The following CENPP variants were observed in gnomAD, a reference collection of about 807,000 sequenced individuals.
The protein encoded by CENPP is centromere protein P.
CENPP carries 24 observed loss-of-function variants against 35.6 expected under a neutral mutation model. The observed-to-expected ratio is 0.67, with a 90% CI of 0.49 to 0.95. The LOEUF (loss-of-function observed/expected upper bound fraction) is 0.95, where lower values mean the gene tolerates loss of function less well. CENPP is among the 40% of genes least tolerant of loss of function. The probability of loss-of-function intolerance (pLI) is 0.00; values close to 1 mark genes in which losing one functional copy is unlikely to be tolerated. For missense variants in CENPP, 332 were observed against 345.3 expected (o/e 0.96, Z 0.31); for synonymous variants, 120 against 125.5 (o/e 0.96, Z 0.29).
intron 5 of CENPP, chr9:92,414,578 T>C (rs1457095405): frequency 4.8e-6 from 1 of 209,498 alleles, no homozygotes; most frequent in Non-Finnish European, 9.7e-6. Flanking sequence ...GGATGGCCTC[T>C]TACAAATCAA....
intron 1 of CENPP, among the ~76,000 whole-genome samples, chr9:92,329,367 C>T (rs2130772260): frequency 6.6e-6 from 1 of 151,768 alleles, no homozygotes; most frequent in South Asian, 2.1e-4. Context: ...TGTATTTTTA[C>T]TAGAGATGGG....
chr9:92,590,462 T>G (rs1205756585), intron 5 of CENPP, among the ~76,000 whole-genome samples: 1 of 152,226 alleles, frequency 6.6e-6, no homozygotes, highest in East Asian at 1.9e-4. Flanking sequence ...TTTAGGAAAT[T>G]GGAATCTGTC....
chr9:92,512,254 G>A, intron 5 of CENPP: 1 of 525,734 alleles, frequency 1.9e-6, no homozygotes, highest in Non-Finnish European at 3.4e-6. Flanking sequence ...CTCAGAACAA[G>A]GACAGAATAT....
intron 5 of CENPP, among the ~76,000 whole-genome samples, chr9:92,523,874 A>G (rs1848226132): frequency 6.6e-6 from 1 of 152,208 alleles, no homozygotes; most frequent in Admixed American, 6.5e-5. Context: ...TCCTCCTCAG[A>G]GACCTCTTGT....
intron 4 of CENPP, among the ~76,000 whole-genome samples, chr9:92,365,009 C>T (rs1841851284): frequency 6.6e-6 from 1 of 152,146 alleles, no homozygotes; most frequent in Admixed American, 6.5e-5. Context: ...GCTAGTGTTC[C>T]TTCATTTATC....
intron 5 of CENPP, among the ~76,000 whole-genome samples, chr9:92,503,356 G>A (rs1474713086): frequency 1.3e-5 from 2 of 152,178 alleles, no homozygotes; most frequent in Non-Finnish European, 2.9e-5. Flanking sequence ...GCCCACCCGT[G>A]GTTACATGAC....
At chr9:92,437,190 G>A (rs151121714) in intron 5 of CENPP, among the ~76,000 whole-genome samples, 1,794 of 152,222 alleles carry the variant, frequency 0.012, 37 homozygotes, top group African/African-American at 0.04. Flanking sequence ...CAACAAGAGC[G>A]AAACTCTGTC....
At chr9:92,473,408 A>G (rs1845598875) in intron 5 of CENPP, among the ~76,000 whole-genome samples, 1 of 152,204 alleles carries the variant, frequency 6.6e-6, no homozygotes, top group African/African-American at 2.4e-5. Context: ...TTTGACTTAC[A>G]AAGTGCTTTA....
chr9:92,460,396 G>C, intron 5 of CENPP: 1 of 856,030 alleles, frequency 1.2e-6, no homozygotes, highest in Non-Finnish European at 1.9e-6. Flanking sequence ...TGGCTAAACA[G>C]ACAGTGATCT....
At chr9:92,444,763 C>A (rs1356108224) in intron 5 of CENPP, among the ~76,000 whole-genome samples, 1 of 152,142 alleles carries the variant, frequency 6.6e-6, no homozygotes, top group Non-Finnish European at 1.5e-5. Context: ...GGGGAGGCTG[C>A]AGTGGGGAGA....
intron 5 of CENPP, among the ~76,000 whole-genome samples, chr9:92,438,756 C>T (rs1844308132): frequency 6.6e-6 from 1 of 152,188 alleles, no homozygotes; most frequent in African/African-American, 2.4e-5. Flanking sequence ...AGTTCGAGGC[C>T]AGCCTGGCCA....
At chr9:92,571,065 G>T (rs1242720436) in intron 5 of CENPP, among the ~76,000 whole-genome samples, 2 of 151,850 alleles carry the variant, frequency 1.3e-5, no homozygotes, top group Non-Finnish European at 2.9e-5. Context: ...AGGGTTTTTT[G>T]TGTCTCTATC....
chr9:92,333,677 G>A (rs548046355), intron 2 of CENPP, among the ~76,000 whole-genome samples: 13 of 152,158 alleles, frequency 8.5e-5, no homozygotes, highest in South Asian at 8.3e-4. Flanking sequence ...TAATGGTACC[G>A]GAAGAGAAAT....
In CENPP at chr9:92,593,543, A is replaced by T. The variant is rs1419806901; in HGVS notation, c.565-17771A>T. Among the ~76,000 whole-genome samples the T allele has an allele frequency of 6.6e-6, 1 of 152,230 alleles. No individual in the cohort carries two copies. The highest frequency in any genetic ancestry group is 2.4e-5 in the African/African-American group (1 of 41,454). ...TAGCTATAAGATGTTTAGCCAATTC[A>T]TGGATGATCTGTACAGAAATGAATA... On this transcript the variant is annotated intron_variant, in intron 5 of 7. Coordinates refer to ENST00000375587, the MANE Select transcript of CENPP (RefSeq NM_001012267.3). This position sits in a 1 kb window ranked among gnomAD's most constrained non-coding sequence, Gnocchi z 4.1.
intron 1 of CENPP, among the ~76,000 whole-genome samples, chr9:92,329,332 C>T (rs1840667608): frequency 6.6e-6 from 1 of 151,646 alleles, no homozygotes. Flanking sequence ...TTACAGGCAC[C>T]CGCCACCATG....
At chr9:92,402,558 A>G (rs1461606163) in intron 5 of CENPP, among the ~76,000 whole-genome samples, 1 of 152,110 alleles carries the variant, frequency 6.6e-6, no homozygotes, top group Non-Finnish European at 1.5e-5. Context: ...TGCCAAGAAA[A>G]CCACAAGTAA....
At chr9:92,605,767 G>A (rs1289138985) in intron 5 of CENPP, among the ~76,000 whole-genome samples, 2 of 152,046 alleles carry the variant, frequency 1.3e-5, no homozygotes, top group South Asian at 2.1e-4. Context: ...GACACCAAAA[G>A]CACAAGCAGA....
intron 4 of CENPP, among the ~76,000 whole-genome samples, chr9:92,350,838 G>A (rs545226820): frequency 6.6e-6 from 1 of 152,150 alleles, no homozygotes; most frequent in South Asian, 2.1e-4. Flanking sequence ...AATCTACTTG[G>A]TTTTTTTGTT....
At chr9:92,400,012 C>G (rs564807712) in intron 5 of CENPP, among the ~76,000 whole-genome samples, 2 of 152,132 alleles carry the variant, frequency 1.3e-5, no homozygotes, top group Non-Finnish European at 2.9e-5. Flanking sequence ...ATTCTAGAAT[C>G]TGGTTTTCCA....
Sources: gnomAD v4.1 joint callset for allele counts (sites outside exome capture counted in the v4.1 genomes callset) on GRCh38, gnomAD v4.1.1 for gene constraint, Gnocchi (gnomAD v3.1) non-coding constraint, MANE v1.5 for transcripts, NCBI Gene and HGNC (gene_info 2026-07-23, HGNC 2026-07-21) for gene names.